The following CCDC47 variants were observed in gnomAD, a reference collection of about 807,000 sequenced individuals.
CCDC47 encodes PAT complex subunit CCDC47.
A neutral mutation model predicts 60.5 loss-of-function variants in CCDC47; 41 were observed. The ratio of observed to expected loss-of-function variants is 0.68; its 90% CI spans 0.53 to 0.88. The LOEUF is 0.88. Ranked by LOEUF, CCDC47 falls within the 40% of genes least tolerant of loss-of-function variation. The probability of loss-of-function intolerance (pLI) is 0.00; values close to 1 mark genes in which losing one functional copy is unlikely to be tolerated. For synonymous variants in CCDC47, 195 were observed against 190.7 expected, an observed-to-expected ratio of 1.02 and a Z score of -0.18; for missense variants, 513 against 580.9, an observed-to-expected ratio of 0.88 and a Z score of 1.20.
At chr17:63,752,674 A>C in intron 10 of CCDC47, 67 bp downstream of exon 10, 1 of 1,491,152 alleles carries the variant, frequency 6.7e-7, no homozygotes, top group Non-Finnish European at 9.0e-7. Context: ...ATTTAGGAGG[A>C]AACAATACTC....
intron 6 of CCDC47, among the ~76,000 whole-genome samples, chr17:63,759,527 T>TTATATA (rs770930100): frequency 1.3e-3 from 5 of 3,958 alleles, no homozygotes; most frequent in Admixed American, 4.9e-3. Context: ...ATATATATAT[T>TTATATA]TATATATATA....
Position 63,751,931 on chromosome 17 carries a change from T to C in CCDC47, c.1371+9A>G, listed in dbSNP as rs367935088. 24 of 1,613,496 alleles carry C rather than the reference T, an allele frequency of 1.5e-5. No homozygotes were observed. The African/African-American group carries it at 2.4e-4, about 16-fold the overall frequency. Reference sequence around the variant, plus strand: ...TCGTAGTTTTACCCCAGTGATAAGTTTGTCTAACCTCCAGCCTGCGCTGTT... The same window carrying C: ...TCGTAGTTTTACCCCAGTGATAAGTCTGTCTAACCTCCAGCCTGCGCTGTT... On this transcript the variant is annotated intron_variant, in intron 12 of 12. Coordinates refer to ENST00000225726, the MANE Select transcript of CCDC47 (RefSeq NM_020198.3).
At chr17:63,749,725 G>C (rs1380090921) in intron 12 of CCDC47, among the ~76,000 whole-genome samples, 3 of 151,484 alleles carry the variant, frequency 2.0e-5, no homozygotes, top group African/African-American at 7.3e-5. Context: ...CTCCAGCCTG[G>C]TGAAAGAGCG....
In CCDC47 at chr17:63,768,347, CTT is replaced by C. The variant is rs916889076; in HGVS notation, c.-19-2155_-19-2154del. 5.9e-5 allele frequency among the ~76,000 whole-genome samples: 9 copies of C among 151,614 alleles called. No homozygotes were observed. The Middle Eastern group carries it at 0.014, about 229-fold the overall frequency. On this transcript the variant is annotated intron_variant, in intron 1 of 12. Coordinates refer to ENST00000225726, the MANE Select transcript of CCDC47 (RefSeq NM_020198.3). ...TATGATGGTGAAATTTGGTTAAACT[CTT>C]TGGTTAAACTATGGATGTATCAAAA... is the stretch of plus-strand genomic sequence containing the variant.
At chr17:63,770,441 G>A (rs536548954) in intron 1 of CCDC47, among the ~76,000 whole-genome samples, 1 of 152,092 alleles carries the variant, frequency 6.6e-6, no homozygotes, top group Non-Finnish European at 1.5e-5. Flanking sequence ...AGGCCCTCAG[G>A]GGCCAGGTCA....
At position 63,752,017 on chromosome 17, in the gene CCDC47, G is replaced by C. The variant is rs756201397; in HGVS notation, c.1294C>G (p.Arg432Gly). The C allele has an allele frequency of 3.1e-6, 5 of 1,613,274 alleles. No homozygotes were observed. The highest frequency in any genetic ancestry group is 2.2e-5 in the East Asian group (1 of 44,868). Reference sequence around the variant, plus strand: ...TCTGCTCTTTTTTTCTCCTCCCGCCGAGACTGTGCTGCTTCCTGTCTTTGC... The same window carrying C: ...TCTGCTCTTTTTTTCTCCTCCCGCCCAGACTGTGCTGCTTCCTGTCTTTGC... ...HVQRQEAAQS[R>G]REEKKRAEKE... The change falls in exon 12 of 13, where the codon CGG becomes GGG. Residue 432 changes from arginine to glycine, a missense_variant. Arg to Gly is a moderately radical substitution (Grantham distance 125). Transcript: ENST00000225726.
intron 8 of CCDC47, 33 bp downstream of exon 8, chr17:63,756,207 G>T: frequency 6.9e-7 from 1 of 1,439,674 alleles, no homozygotes; most frequent in Non-Finnish European, 9.8e-7. Flanking sequence ...AAATGCCAAG[G>T]CCTGGCAAAT....
chr17:63,759,524 T>A (rs1485902233), intron 6 of CCDC47, among the ~76,000 whole-genome samples: 320 of 5,056 alleles, frequency 0.063, 56 homozygotes, highest in African/African-American at 0.35. Flanking sequence ...TATATATATA[T>A]ATTTATATAT....
chr17:63,746,849 G>C lies in CCDC47; in HGVS notation c.*32C>G. Reference sequence around the variant, plus strand: ...TTTCCTGTGAATTCAGAGCTTACAGGTGGCATCAGAACTCAAATCTCTGGG... The same window carrying C: ...TTTCCTGTGAATTCAGAGCTTACAGCTGGCATCAGAACTCAAATCTCTGGG... On this transcript the variant is annotated 3_prime_UTR_variant, in exon 13 of 13. Coordinates refer to ENST00000225726, the MANE Select transcript of CCDC47 (RefSeq NM_020198.3). The C allele has an allele frequency of 6.8e-7, 1 of 1,474,188 alleles. No individual in the cohort carries two copies. The allele number at this position is 1,474,188 out of a possible 1,614,324, so 91.3% of individuals were successfully genotyped here.
intron 1 of CCDC47, among the ~76,000 whole-genome samples, chr17:63,771,020 G>A (rs1431592333): frequency 7.5e-5 from 9 of 119,612 alleles, no homozygotes; most frequent in Non-Finnish European, 1.4e-4. Context: ...AAGAAAGGAA[G>A]GAAGGAAGGA....
intron 6 of CCDC47, among the ~76,000 whole-genome samples, chr17:63,759,927 G>A (rs2039244556): frequency 6.6e-6 from 1 of 151,620 alleles, no homozygotes; most frequent in African/African-American, 2.4e-5. Flanking sequence ...GGCTGGGAGT[G>A]GTGGCGGACG....
At chr17:63,759,574 T>TAA (rs1789684034) in intron 6 of CCDC47, among the ~76,000 whole-genome samples, 3 of 84,376 alleles carry the variant, frequency 3.6e-5, no homozygotes, top group Non-Finnish European at 6.9e-5. Flanking sequence ...TATATATATA[T>TAA]ATAAAACAAT....
At position 63,746,033 on chromosome 17, in the gene CCDC47, C is replaced by T. The variant is rs1043942079; in HGVS notation, c.*848G>A. 1.6e-4 allele frequency: 24 copies of T among 152,352 alleles called. No individual in the cohort carries two copies. The highest frequency in any genetic ancestry group is 5.5e-4 in the African/African-American group (23 of 41,576). 9.4% of individuals were successfully genotyped at this position (152,352 alleles called of 1,614,324 possible). ...GAGAACAGAGCTTCTCCATGAACAT[C>T]CACCAGGCTGCAGCAACCAAGAAGG... On this transcript the variant is annotated 3_prime_UTR_variant, in exon 13 of 13. Transcript: ENST00000225726.
In CCDC47 at chr17:63,761,307, T is replaced by C. The variant is rs1367784431; in HGVS notation, c.592A>G (p.Asn198Asp). Reference sequence around the variant, plus strand: ...TTATAGATGTGCTCATTCTCCTGGTTCAACTTTCCTGTGCTTGTGGCTTCT... The same window carrying C: ...TTATAGATGTGCTCATTCTCCTGGTCCAACTTTCCTGTGCTTGTGGCTTCT... ...NKEATSTGKL[N>D]QENEHIYNLW... The change falls in exon 5 of 13, where the codon AAC (asparagine) becomes GAC (aspartate). Residue 198 changes from asparagine (N) to aspartate (D), a missense_variant. Physicochemically the swap from Asn to Asp is conservative, Grantham distance 23. Transcript: ENST00000225726. 1 of 1,614,074 alleles carries C rather than the reference T, an allele frequency of 6.2e-7. No homozygotes were observed. The highest frequency in any genetic ancestry group is 1.7e-5 in the Admixed American group (1 of 60,006).
rs960533602 is a variant in CCDC47, at chr17:63,765,346, C to CT, written c.265-500dup. On this transcript the variant is annotated intron_variant, in intron 2 of 12. Transcript: ENST00000225726. ...TTTTGATGACAAAGTTTTTTCTTTT[C>CT]TTTTTTTTTTTGGAGACAAGGTCTT... Among the ~76,000 whole-genome samples, 103 of 145,752 alleles carry CT rather than the reference C, an allele frequency of 7.1e-4. 1 individual carries two copies. The highest frequency in any genetic ancestry group is 7.2e-3 in the Middle Eastern group (2 of 278).
At chr17:63,755,711 G>C (rs2144479348) in intron 8 of CCDC47, among the ~76,000 whole-genome samples, 1 of 152,062 alleles carries the variant, frequency 6.6e-6, no homozygotes, top group East Asian at 1.9e-4. Flanking sequence ...CCAATAGAAA[G>C]AAATGGCTCT....
intron 12 of CCDC47, among the ~76,000 whole-genome samples, chr17:63,750,051 G>C (rs147737209): frequency 6.6e-6 from 1 of 152,264 alleles, no homozygotes; most frequent in East Asian, 1.9e-4. Flanking sequence ...GAGTTCACCA[G>C]ATCTTTTTAC....
chr17:63,746,895 CTTTGA>C lies in CCDC47; in HGVS notation c.1433_1437del (p.Ile478SerfsTer14), dbSNP rs2039124325. On this transcript the variant is annotated frameshift_variant, in exon 13 of 13. Coordinates refer to ENST00000225726, the MANE Select transcript of CCDC47 (RefSeq NM_020198.3). LOFTEE classifies it high-confidence loss of function. Reference sequence around the variant, plus strand: ...CTGGGATGGCTTTACATGGCTTTCACTTTGATTTGTTTCATTTTCATTTGCTTCTT... The same window carrying C: ...CTGGGATGGCTTTACATGGCTTTCACTTTGTTTCATTTTCATTTGCTTCTT... 6.2e-7 allele frequency: 1 copy of C among 1,613,598 alleles called. No homozygotes were observed. The highest frequency in any genetic ancestry group is 2.2e-5 in the East Asian group (1 of 44,848).
rs2144492185 is a variant in CCDC47, at chr17:63,763,914, G to A, written c.547+102C>T. ...AGAGAAAAAACAATGCACCCTCTTT[G>A]GTATTCCATGAAAGCAGTTAGATGC... On this transcript the variant is annotated intron_variant, in intron 4 of 12. Transcript: ENST00000225726. 5 of 740,792 alleles carry A rather than the reference G, an allele frequency of 6.7e-6. No individual in the cohort carries two copies. The East Asian group carries it at 1.5e-4, about 23-fold the overall frequency. The allele number at this position is 740,792 out of a possible 1,614,324, so 45.9% of individuals were successfully genotyped here. A position where few individuals can be genotyped will look rare whatever the true frequency, so the allele number is the denominator to read the frequency against.
Sources: gnomAD v4.1 joint callset for allele counts (sites outside exome capture counted in the v4.1 genomes callset) on GRCh38, gnomAD v4.1.1 for gene constraint, MANE v1.5 for transcripts, NCBI Gene and HGNC (gene_info 2026-07-23, HGNC 2026-07-21) for gene names.